The following TANC2 variants were observed in gnomAD, a reference collection of about 807,000 sequenced individuals.
TANC2 encodes protein TANC2.
In TANC2, 26 loss-of-function variants were observed where a neutral mutation model predicts 210.5. That is an observed-to-expected ratio of 0.12 (90% CI 0.09 to 0.17). The LOEUF (loss-of-function observed/expected upper bound fraction) is 0.17, where lower values mean the gene tolerates loss of function less well. Among genes scored for constraint, TANC2 ranks in the 10% least tolerant of loss-of-function variants. TANC2 has a pLI of 1.00. For synonymous variants in TANC2, 931 were observed against 967.1 expected, an observed-to-expected ratio of 0.96 and a Z score of 0.69; for missense variants, 2,129 against 2,608.9, an observed-to-expected ratio of 0.82 and a Z score of 4.01.
At chr17:63,234,973 T>C (rs768658730) in intron 7 of TANC2, among the ~76,000 whole-genome samples, 5 of 152,176 alleles carry the variant, frequency 3.3e-5, no homozygotes, top group Non-Finnish European at 7.4e-5. Context: ...TAAGTATGAA[T>C]TTATTATGAT....
At chr17:63,106,828 A>G (rs896993600) in intron 4 of TANC2, among the ~76,000 whole-genome samples, 1 of 151,620 alleles carries the variant, frequency 6.6e-6, no homozygotes, top group African/African-American at 2.4e-5. Context: ...TTTTCTTTTC[A>G]TATTTGAATG....
At chr17:63,192,617 A>G (rs2041222694) in intron 5 of TANC2, among the ~76,000 whole-genome samples, 2 of 152,206 alleles carry the variant, frequency 1.3e-5, no homozygotes. Context: ...CTCAAGTTCT[A>G]ATCCTGGCTC....
chr17:63,073,851 C>T (rs1017581609), intron 2 of TANC2, 92 bp from the exon 3 acceptor site: 4 of 1,008,718 alleles, frequency 4.0e-6, no homozygotes, highest in South Asian at 1.7e-5. Flanking sequence ...AATAAATGAT[C>T]GATATAGTAG....
chr17:63,118,400 A>G (rs2038333666), intron 4 of TANC2, among the ~76,000 whole-genome samples: 2 of 152,172 alleles, frequency 1.3e-5, no homozygotes, highest in Admixed American at 6.5e-5. Flanking sequence ...TTGATTTTAT[A>G]TACTGACTTT....
intron 10 of TANC2, among the ~76,000 whole-genome samples, chr17:63,315,818 C>A (rs2045296374): frequency 1.3e-5 from 2 of 152,194 alleles, no homozygotes; most frequent in Admixed American, 1.3e-4. Context: ...CTCTGATAAA[C>A]TTATGGATGT....
chr17:63,226,960 C>T (rs1220933082), intron 7 of TANC2, among the ~76,000 whole-genome samples: 1 of 152,120 alleles, frequency 6.6e-6, no homozygotes, highest in Non-Finnish European at 1.5e-5. Flanking sequence ...GCATAGTATT[C>T]CATGGTGTAT....
At chr17:63,302,127 C>G (rs868712625) in intron 9 of TANC2, among the ~76,000 whole-genome samples, 3 of 152,108 alleles carry the variant, frequency 2.0e-5, no homozygotes, top group Non-Finnish European at 4.4e-5. Flanking sequence ...TTTGATTGCA[C>G]TGTGGTCTGA....
In TANC2 at chr17:62,981,439, T is replaced by G. The variant is rs1298213842; in HGVS notation, c.-24+14690T>G. Among the ~76,000 whole-genome samples, 2 of 152,178 alleles carry G rather than the reference T, an allele frequency of 1.3e-5. 1 individual carries two copies. The highest frequency in any genetic ancestry group is 3.8e-4 in the East Asian group (2 of 5,200). On this transcript the variant is annotated intron_variant, in intron 1 of 27. Coordinates refer to ENST00000689528, the Ensembl canonical transcript of TANC2. ...TTTTCTGCATTGCTGTGAACATAACTCTCAGACCACTAGACCTATTATTCC... is the reference window on the plus strand; with the variant it reads ...TTTTCTGCATTGCTGTGAACATAACGCTCAGACCACTAGACCTATTATTCC...
chr17:63,210,092 T>C (rs2145862651), intron 7 of TANC2, among the ~76,000 whole-genome samples: 1 of 152,316 alleles, frequency 6.6e-6, no homozygotes, highest in Non-Finnish European at 1.5e-5. Context: ...AATTCTCCTC[T>C]CTGGTTCTGC....
chr17:63,179,158 G>T (rs768989605), intron 5 of TANC2, among the ~76,000 whole-genome samples: 2 of 151,858 alleles, frequency 1.3e-5, no homozygotes, highest in Non-Finnish European at 2.9e-5. Flanking sequence ...TATTTCCCCC[G>T]TGAGACTATA....
At chr17:63,289,822 T>C (rs1021587917) in intron 9 of TANC2, among the ~76,000 whole-genome samples, 1 of 152,176 alleles carries the variant, frequency 6.6e-6, no homozygotes, top group Non-Finnish European at 1.5e-5. Context: ...ATTAATCATG[T>C]GGTAGTGAGC....
intron 5 of TANC2, among the ~76,000 whole-genome samples, chr17:63,159,691 G>A (rs532386339): frequency 1.3e-5 from 2 of 152,248 alleles, no homozygotes; most frequent in South Asian, 4.2e-4. Flanking sequence ...ACCTAGAAAT[G>A]ATTTGAAATA....
At chr17:63,316,856 A>G in intron 10 of TANC2, among the ~76,000 whole-genome samples, 1 of 152,150 alleles carries the variant, frequency 6.6e-6, no homozygotes, top group East Asian at 1.9e-4. Flanking sequence ...CTGGTGTTGA[A>G]TATGTTACTG....
chr17:63,364,614 G>A (rs973553202), intron 14 of TANC2, among the ~76,000 whole-genome samples: 2 of 152,048 alleles, frequency 1.3e-5, no homozygotes, highest in South Asian at 2.1e-4. Flanking sequence ...AATGCTTAGC[G>A]TTTACTTATT....
intron 12 of TANC2, among the ~76,000 whole-genome samples, chr17:63,341,846 GA>G (rs1754207899): frequency 6.6e-6 from 1 of 152,214 alleles, no homozygotes; most frequent in South Asian, 2.1e-4. Flanking sequence ...TCCTTGTTCT[GA>G]CATTCAAGAT....
At chr17:63,251,882 A>G (rs1383055339) in intron 8 of TANC2, among the ~76,000 whole-genome samples, 2 of 152,160 alleles carry the variant, frequency 1.3e-5, no homozygotes, top group Admixed American at 6.5e-5. Context: ...CATATTTACT[A>G]TATTTCTTGG....
chr17:63,302,101 T>C (rs2044738273), intron 9 of TANC2, among the ~76,000 whole-genome samples: 1 of 152,256 alleles, frequency 6.6e-6, no homozygotes, highest in Admixed American at 6.5e-5. Flanking sequence ...GTGAGTTTCT[T>C]AATCCTGAGT....
chr17:63,287,036 T>C (rs1450664464), intron 9 of TANC2, among the ~76,000 whole-genome samples: 1 of 152,060 alleles, frequency 6.6e-6, no homozygotes, highest in Non-Finnish European at 1.5e-5. Context: ...CGGGTTCAAA[T>C]GATTCTCTTG....
At chr17:63,024,547 A>T in intron 2 of TANC2, among the ~76,000 whole-genome samples, 1 of 152,062 alleles carries the variant, frequency 6.6e-6, no homozygotes, top group East Asian at 1.9e-4. Context: ...CTGATCTCCT[A>T]TCTCATTCTG....
Sources: gnomAD v4.1 joint callset for allele counts (sites outside exome capture counted in the v4.1 genomes callset) on GRCh38, gnomAD v4.1.1 for gene constraint, MANE v1.5 for transcripts, NCBI Gene and HGNC (gene_info 2026-07-23, HGNC 2026-07-21) for gene names.